Variants in EPB41L5 observed in about 807,000 individuals in gnomAD.
EPB41L5 encodes band 4.1-like protein 5.
In EPB41L5, 55 loss-of-function variants were observed where a neutral mutation model predicts 106.6. The observed-to-expected ratio is 0.52, with a 90% CI of 0.42 to 0.65. The LOEUF (loss-of-function observed/expected upper bound fraction) is 0.65. EPB41L5 is among the 30% of genes least tolerant of loss of function. The pLI, the probability that EPB41L5 is intolerant of heterozygous loss-of-function variation, is 0.00. For missense variants in EPB41L5, 871 were observed against 882.1 expected (o/e 0.99, Z 0.16); for synonymous variants, 297 against 306.7 (o/e 0.97, Z 0.33).
chr2:120,147,711 T>G (rs1375858974), intron 20 of EPB41L5, among the ~76,000 whole-genome samples: 4 of 151,628 alleles, frequency 2.6e-5, no homozygotes, highest in Admixed American at 2.6e-4. Context: ...ATTATTGAAG[T>G]CTTTCAGAAT....
chr2:120,146,575 G>A (rs942977345), intron 20 of EPB41L5, among the ~76,000 whole-genome samples: 3 of 152,204 alleles, frequency 2.0e-5, no homozygotes, highest in Non-Finnish European at 4.4e-5. Flanking sequence ...TAAGGAGTGT[G>A]TATTATTCTC....
At chr2:120,137,684 C>G (rs1450375645) in intron 18 of EPB41L5, among the ~76,000 whole-genome samples, 1 of 151,990 alleles carries the variant, frequency 6.6e-6, no homozygotes, top group East Asian at 1.9e-4. Flanking sequence ...AGACCAATAA[C>G]AAGTAACAAG....
intron 20 of EPB41L5, 72 bp from the exon 21 acceptor site, chr2:120,160,809 G>T (rs1687108488): frequency 4.7e-6 from 5 of 1,061,630 alleles, no homozygotes; most frequent in African/African-American, 3.2e-5. Context: ...TCTTTCCTAA[G>T]CCCTTTCTTT....
At chr2:120,104,314 G>C in intron 16 of EPB41L5, 4 of 1,471,646 alleles carry the variant, frequency 2.7e-6, no homozygotes, top group Non-Finnish European at 3.6e-6. Context: ...GTTTATAAAG[G>C]ATTAATCACA....
chr2:120,162,234 A>G (rs537142766), intron 21 of EPB41L5, among the ~76,000 whole-genome samples: 2 of 152,366 alleles, frequency 1.3e-5, no homozygotes, highest in South Asian at 4.1e-4. Flanking sequence ...TAACCAGCTC[A>G]TCCCAACTTC....
chr2:120,016,719 TATC>T (rs1374911278), intron 1 of EPB41L5, among the ~76,000 whole-genome samples: 2 of 152,078 alleles, frequency 1.3e-5, no homozygotes, highest in East Asian at 3.8e-4. Flanking sequence ...ACTGGTGGGA[TATC>T]ATAAAATGTT....
At chr2:120,102,330 G>A (rs1684193900) in intron 16 of EPB41L5, among the ~76,000 whole-genome samples, 1 of 152,096 alleles carries the variant, frequency 6.6e-6, no homozygotes, top group Non-Finnish European at 1.5e-5. Context: ...AAAATTTGGA[G>A]CTGTGTGTTC....
At chr2:120,064,407 G>A (rs1359728601) in intron 3 of EPB41L5, among the ~76,000 whole-genome samples, 4 of 152,168 alleles carry the variant, frequency 2.6e-5, no homozygotes, top group Non-Finnish European at 4.4e-5. Flanking sequence ...GAAGGCAGGA[G>A]TCATTGATTT....
intron 16 of EPB41L5, chr2:120,106,356 A>G (rs1323094150): frequency 2.0e-6 from 2 of 985,180 alleles, no homozygotes; most frequent in Non-Finnish European, 1.2e-6. Context: ...AAATATTGCA[A>G]ATACTTGTTC....
At chr2:120,126,144 A>G (rs899200268) in intron 16 of EPB41L5, among the ~76,000 whole-genome samples, 1 of 152,044 alleles carries the variant, frequency 6.6e-6, no homozygotes, top group African/African-American at 2.4e-5. Context: ...AGTAAGTAAT[A>G]TATATATACG....
chr2:120,157,987 C>T (rs1686973533), intron 20 of EPB41L5, among the ~76,000 whole-genome samples: 1 of 152,034 alleles, frequency 6.6e-6, no homozygotes, highest in African/African-American at 2.4e-5. Context: ...TGCACATAAA[C>T]TAGAAAATCT....
chr2:120,044,529 T>G (rs978065001), intron 3 of EPB41L5, among the ~76,000 whole-genome samples: 4 of 152,216 alleles, frequency 2.6e-5, no homozygotes, highest in African/African-American at 9.6e-5. Context: ...ACTTCCTGTT[T>G]TTTGAGGCAG....
chr2:120,061,040 T>TTTG (rs1681016153), intron 3 of EPB41L5, among the ~76,000 whole-genome samples: 1 of 111,872 alleles, frequency 8.9e-6, no homozygotes, highest in South Asian at 3.4e-4. Flanking sequence ...AGTTTTTTTT[T>TTTG]TTTTTTTTTT....
At chr2:120,097,892 CTT>C (rs1683860978) in intron 14 of EPB41L5, among the ~76,000 whole-genome samples, 3 of 152,144 alleles carry the variant, frequency 2.0e-5, no homozygotes. Context: ...ATTAACATCA[CTT>C]ATAAATATTT....
intron 2 of EPB41L5, among the ~76,000 whole-genome samples, chr2:120,031,288 A>G (rs546698250): frequency 1.4e-4 from 21 of 152,288 alleles, no homozygotes; most frequent in African/African-American, 4.3e-4. Context: ...CTCCATTGCA[A>G]TTCCCCTGTC....
At position 120,145,672 on chromosome 2, in the gene EPB41L5, C is replaced by T. The variant is rs572268026; in HGVS notation, c.1729-553C>T. Among the ~76,000 whole-genome samples, 8 of 152,154 alleles carry T rather than the reference C, an allele frequency of 5.3e-5. No homozygotes were observed. In the South Asian group the frequency reaches 8.3e-4, roughly 16 times the overall value. ...ATTGGTGCATTATTGATGCCAGGTG[C>T]GGTGCCTCATGCCTGTAATCCCACC... On this transcript the variant is annotated intron_variant, in intron 19 of 24. Coordinates refer to ENST00000263713, the MANE Select transcript of EPB41L5 (RefSeq NM_020909.4).
intron 21 of EPB41L5, among the ~76,000 whole-genome samples, chr2:120,162,548 T>G (rs1687179327): frequency 6.6e-6 from 1 of 152,224 alleles, no homozygotes; most frequent in Non-Finnish European, 1.5e-5. Context: ...TAAAATATCT[T>G]CAATCAGGCA....
intron 11 of EPB41L5, among the ~76,000 whole-genome samples, chr2:120,088,815 C>CG (rs536955754): frequency 1.3e-5 from 2 of 152,122 alleles, no homozygotes; most frequent in Non-Finnish European, 2.9e-5. Context: ...TTGTGTTCCC[C>CG]TAATGACAAC....
At chr2:120,031,332 G>A (rs1322423392) in intron 2 of EPB41L5, among the ~76,000 whole-genome samples, 1 of 152,210 alleles carries the variant, frequency 6.6e-6, no homozygotes, top group African/African-American at 2.4e-5. Flanking sequence ...CAGTGGGCAA[G>A]GTGAACCCAT....
Sources: allele counts gnomAD v4.1 joint callset (sites outside exome capture counted in the v4.1 genomes callset), GRCh38; gene constraint gnomAD v4.1.1; transcripts MANE v1.5; gene names NCBI Gene and HGNC (gene_info 2026-07-23, HGNC 2026-07-21).